The following HTT variants were observed in gnomAD, a reference collection of about 807,000 sequenced individuals.
HTT encodes huntington disease protein.
HTT carries 104 observed loss-of-function variants against 362.3 expected under a neutral mutation model. The observed-to-expected ratio is 0.29, with a 90% CI of 0.24 to 0.34. The LOEUF (loss-of-function observed/expected upper bound fraction) is 0.34. Ranked by LOEUF, HTT falls within the 10% of genes least tolerant of loss-of-function variation. HTT has a pLI of 1.00. For synonymous variants in HTT, 1,577 were observed against 1,548.7 expected, an observed-to-expected ratio of 1.02 and a Z score of -0.43; for missense variants, 3,301 against 3,928.6, an observed-to-expected ratio of 0.84 and a Z score of 4.27.
At chr4:3,117,857 G>C (rs975897425) in intron 8 of HTT, among the ~76,000 whole-genome samples, 1 of 152,106 alleles carries the variant, frequency 6.6e-6, no homozygotes, top group Non-Finnish European at 1.5e-5. Context: ...GCAAAACAAC[G>C]TCACAAAACA....
At position 3,229,773 on chromosome 4, in the gene HTT, G is replaced by A. The variant is rs1338820935; in HGVS notation, c.8110-114G>A. On this transcript the variant is annotated intron_variant, in intron 59 of 66. Coordinates refer to ENST00000355072, the MANE Select transcript of HTT (RefSeq NM_001388492.1). ...CACACGCACACATGCGTCCCGCACA[G>A]TAATGTCTCTTGGGTGTAAGAACAC... The A allele has an allele frequency of 4.4e-6, 5 of 1,144,774 alleles. No homozygotes were observed. In the African/African-American group the frequency reaches 4.5e-5, roughly 10 times the overall value. 70.9% of individuals were successfully genotyped at this position (1,144,774 alleles called of 1,614,324 possible).
At chr4:3,146,727 C>G in intron 24 of HTT, 70 bp from the exon 25 acceptor site, 1 of 1,417,414 alleles carries the variant, frequency 7.1e-7, no homozygotes, top group Admixed American at 1.7e-5. Flanking sequence ...CTTGGAATTG[C>G]AAGAGAAAGG....
intron 6 of HTT, among the ~76,000 whole-genome samples, chr4:3,112,113 A>G (rs376628710): frequency 6.6e-6 from 1 of 152,184 alleles, no homozygotes; most frequent in African/African-American, 2.4e-5. Context: ...GTGTAAATAT[A>G]TGCTTTATAC....
intron 52 of HTT, among the ~76,000 whole-genome samples, chr4:3,219,190 G>T (rs538759404): frequency 6.6e-6 from 1 of 152,128 alleles, no homozygotes; most frequent in Non-Finnish European, 1.5e-5. Flanking sequence ...GCTGCATGGG[G>T]TTGCTCTCGG....
chr4:3,132,562 A>T lies in HTT; in HGVS notation c.2237A>T (p.Glu746Val). Residue 746 changes from glutamate to valine, a missense_variant and splice_region_variant, in exon 17 of 67, where the codon GAG becomes GTG. Glu to Val is a moderately radical substitution (Grantham distance 121). Transcript: ENST00000355072. ...KVPLDTTEYP[E>V]EQYVSDILNY... ...ATGGCTGAGCAATTTATCTCCACAG[A>T]GGAACAGTATGTCTCAGACATCTTG... 6.2e-7 allele frequency: 1 copy of T among 1,613,512 alleles called. No individual in the cohort carries two copies. Among genetic ancestry groups the T allele is most frequent in the Non-Finnish European group, 8.5e-7 (1 of 1,179,472 alleles).
At chr4:3,150,504 A>T (rs1716822303) in intron 26 of HTT, among the ~76,000 whole-genome samples, 1 of 152,118 alleles carries the variant, frequency 6.6e-6, no homozygotes, top group Non-Finnish European at 1.5e-5. Flanking sequence ...GATATGTCAG[A>T]CACGGTGTGA....
At chr4:3,083,538 C>T (rs61792476) in intron 1 of HTT, among the ~76,000 whole-genome samples, 24,447 of 70,040 alleles carry the variant, frequency 0.35, 3,264 homozygotes, top group African/African-American at 0.56. Context: ...TATACACACA[C>T]ACACACACAC....
At chr4:3,081,047 A>G (rs1712871102) in intron 1 of HTT, among the ~76,000 whole-genome samples, 1 of 152,204 alleles carries the variant, frequency 6.6e-6, no homozygotes, top group Non-Finnish European at 1.5e-5. Context: ...GTTCCTTTTC[A>G]AGATTGATTT....
chr4:3,222,300 G>A, intron 53 of HTT, 87 bp from the exon 54 acceptor site: 1 of 1,089,610 alleles, frequency 9.2e-7, no homozygotes, highest in Non-Finnish European at 1.4e-6. Flanking sequence ...CTTCTCCAGG[G>A]GCCGTGCTGT....
At chr4:3,163,902 T>C (rs570116126) in intron 29 of HTT, among the ~76,000 whole-genome samples, 2 of 151,728 alleles carry the variant, frequency 1.3e-5, no homozygotes, top group African/African-American at 2.4e-5. Flanking sequence ...TTTTGGAGGG[T>C]TTTTTTTCGT....
chr4:3,123,227 C>T, intron 10 of HTT: 1 of 289,642 alleles, frequency 3.5e-6, no homozygotes, highest in Non-Finnish European at 6.4e-6. Flanking sequence ...TGTAAAGGGA[C>T]AGAGTGTAAA....
At chr4:3,077,134 C>T (rs1170448589) in intron 1 of HTT, among the ~76,000 whole-genome samples, 3 of 152,002 alleles carry the variant, frequency 2.0e-5, no homozygotes, top group African/African-American at 4.8e-5. Context: ...GTTGAGATCA[C>T]GCCACTGCAC....
intron 26 of HTT, among the ~76,000 whole-genome samples, chr4:3,149,625 C>T (rs1201122033): frequency 2.0e-5 from 3 of 152,080 alleles, no homozygotes; most frequent in Non-Finnish European, 2.9e-5. Context: ...GACCAGTTCA[C>T]TTACTGTTTA....
Position 3,173,003 on chromosome 4 carries a change from C to T in HTT, c.4038C>T (p.Gly1346=). ...SKSQGRAQRL[G]SSSVRPGLYH... ...CACAAGGCCGAGCACAGCGCCTTGG[C>T]TCCTCCAGTGTGAGGCCAGGCTTGT... The change falls in exon 31 of 67, where the codon GGC becomes GGT. Residue 1346 remains glycine, a synonymous_variant. Coordinates refer to ENST00000355072, the MANE Select transcript of HTT (RefSeq NM_001388492.1). 1.9e-6 allele frequency: 3 copies of T among 1,614,208 alleles called. No individual in the cohort carries two copies. The highest frequency in any genetic ancestry group is 2.2e-5 in the South Asian group (2 of 91,082).
At chr4:3,101,201 C>A (rs1257164770) in intron 3 of HTT, among the ~76,000 whole-genome samples, 1 of 151,922 alleles carries the variant, frequency 6.6e-6, no homozygotes, top group Non-Finnish European at 1.5e-5. Flanking sequence ...CTTTTTTAAA[C>A]CTCCTTCATT....
Position 3,189,113 on chromosome 4 carries a change from C to T in HTT, c.5368+20C>T, listed in dbSNP as rs1426414357. ...AGTCTGGTAGGTGAATCACATTAGT[C>T]TTCCTGGAGTGTCTCGTTCCCCATT... On this transcript the variant is annotated intron_variant, in intron 40 of 66. Coordinates refer to ENST00000355072, the MANE Select transcript of HTT (RefSeq NM_001388492.1). The T allele has an allele frequency of 1.2e-6, 2 of 1,612,264 alleles. No individual in the cohort carries two copies. The highest frequency in any genetic ancestry group is 1.7e-6 in the Non-Finnish European group (2 of 1,178,566).
chr4:3,207,234 T>C lies in HTT; in HGVS notation c.6076-47T>C, dbSNP rs1282470122. Reference sequence around the variant, plus strand: ...TTTTTAAATGAGCATGAGGTTATTTTGGGTTGTTAGGTGTTACAAACACAC... The same window carrying C: ...TTTTTAAATGAGCATGAGGTTATTTCGGGTTGTTAGGTGTTACAAACACAC... On this transcript the variant is annotated intron_variant, in intron 44 of 66. Coordinates refer to ENST00000355072, the MANE Select transcript of HTT (RefSeq NM_001388492.1). 6 of 1,509,116 alleles carry C rather than the reference T, an allele frequency of 4.0e-6. No individual in the cohort carries two copies. In the Admixed American group the frequency reaches 1.0e-4, roughly 25 times the overall value. 93.5% of individuals were successfully genotyped at this position (1,509,116 alleles called of 1,614,324 possible).
chr4:3,100,281 C>CA (rs1714089365), intron 3 of HTT, among the ~76,000 whole-genome samples: 1 of 152,194 alleles, frequency 6.6e-6, no homozygotes, highest in South Asian at 2.1e-4. Context: ...ACTGGATCCT[C>CA]AAAGTGGTAA....
chr4:3,115,907 C>T (rs1258050855), intron 7 of HTT, among the ~76,000 whole-genome samples, 178 bp from the exon 8 acceptor site: 1 of 152,180 alleles, frequency 6.6e-6, no homozygotes, highest in Non-Finnish European at 1.5e-5. Context: ...CTGGAAAGGA[C>T]CTTGCTGAGC....
Sources: allele counts gnomAD v4.1 joint callset (sites outside exome capture counted in the v4.1 genomes callset), GRCh38; gene constraint gnomAD v4.1.1; transcripts MANE v1.5; gene names NCBI Gene and HGNC (gene_info 2026-07-23, HGNC 2026-07-21).